The following CPED1 variants were observed in gnomAD, a reference collection of about 807,000 sequenced individuals.
The protein encoded by CPED1 is cadherin like and PC-esterase domain containing 1.
A neutral mutation model predicts 128.2 loss-of-function variants in CPED1; 114 were observed. The observed-to-expected ratio is 0.89, with a 90% confidence interval of 0.76 to 1.04. The LOEUF is 1.04. CPED1 is among the 50% of genes least tolerant of loss of function. The pLI, the probability that CPED1 is intolerant of heterozygous loss-of-function variation, is 0.00. For synonymous variants in CPED1, 462 were observed against 426.7 expected (o/e 1.08, Z -1.02); for missense variants, 1,211 against 1,207.1 (o/e 1.00, Z -0.05).
intron 16 of CPED1, among the ~76,000 whole-genome samples, chr7:121,217,730 C>T (rs184143553): frequency 5.5e-4 from 83 of 152,096 alleles, no homozygotes; most frequent in Middle Eastern, 3.4e-3. Context: ...GTGCACTGGC[C>T]TCATCTGTAT....
At chr7:121,286,060 A>G (rs1792562197) in intron 22 of CPED1, among the ~76,000 whole-genome samples, 1 of 152,198 alleles carries the variant, frequency 6.6e-6, no homozygotes, top group Non-Finnish European at 1.5e-5. Flanking sequence ...GAAACTTAAC[A>G]ATCATAGTGG....
At chr7:121,119,250 G>C (rs200476112) in intron 7 of CPED1, among the ~76,000 whole-genome samples, 4 of 74,364 alleles carry the variant, frequency 5.4e-5, no homozygotes, top group Admixed American at 1.4e-4. Context: ...TTTTTTTTTT[G>C]AGATGGAGTC....
intron 5 of CPED1, among the ~76,000 whole-genome samples, chr7:121,071,531 A>G (rs1427556436): frequency 6.6e-6 from 1 of 151,864 alleles, no homozygotes; most frequent in East Asian, 1.9e-4. Flanking sequence ...GTAGCTTTTG[A>G]ACCATTCAAC....
chr7:121,038,112 A>G (rs911693046), intron 3 of CPED1, among the ~76,000 whole-genome samples: 4 of 152,150 alleles, frequency 2.6e-5, no homozygotes, highest in African/African-American at 9.7e-5. Context: ...CTCTTTGCCA[A>G]TTTGGGTGCC....
intron 5 of CPED1, among the ~76,000 whole-genome samples, chr7:121,066,227 T>G (rs1266484802): frequency 6.6e-6 from 1 of 152,094 alleles, no homozygotes; most frequent in Non-Finnish European, 1.5e-5. Flanking sequence ...TTTTAAGCTG[T>G]GTTTCATTTG....
intron 16 of CPED1, among the ~76,000 whole-genome samples, chr7:121,189,354 C>T (rs555033485): frequency 2.6e-5 from 4 of 152,126 alleles, no homozygotes; most frequent in South Asian, 4.1e-4. Flanking sequence ...AAAGCCTAAA[C>T]GTAGTTACAA....
chr7:121,151,942 C>G (rs1380361242), intron 16 of CPED1, among the ~76,000 whole-genome samples: 1 of 152,304 alleles, frequency 6.6e-6, no homozygotes, highest in South Asian at 2.1e-4. Context: ...GATGGTTTCA[C>G]TGATTGCAGA....
At chr7:121,143,647 G>A (rs553194601) in intron 16 of CPED1, among the ~76,000 whole-genome samples, 2 of 151,916 alleles carry the variant, frequency 1.3e-5, no homozygotes, top group Non-Finnish European at 2.9e-5. Flanking sequence ...GTGTATATTT[G>A]TGTGTATAAT....
chr7:121,077,384 C>T (rs2402556), intron 5 of CPED1, among the ~76,000 whole-genome samples: 117,555 of 150,244 alleles, frequency 0.78, 47,627 homozygotes, highest in East Asian at 0.96. Context: ...CTTTATTAAA[C>T]AGTAAGACAT....
chr7:121,236,191 G>A (rs932003604), intron 16 of CPED1, among the ~76,000 whole-genome samples: 2 of 152,106 alleles, frequency 1.3e-5, no homozygotes, highest in Non-Finnish European at 2.9e-5. Context: ...GCTTAGTATA[G>A]CACATGCCTC....
chr7:121,292,034 T>C (rs1038239254), intron 22 of CPED1, among the ~76,000 whole-genome samples: 2 of 152,122 alleles, frequency 1.3e-5, no homozygotes, highest in African/African-American at 4.8e-5. Context: ...TCTCTGTCTT[T>C]CTTGAATTTG....
chr7:121,181,234 G>C (rs1584575029), intron 16 of CPED1, among the ~76,000 whole-genome samples: 2 of 152,120 alleles, frequency 1.3e-5, no homozygotes, highest in South Asian at 2.1e-4. Context: ...TGCTTGACAT[G>C]CAAGTATATT....
At chr7:121,085,615 A>G (rs1263723888) in intron 5 of CPED1, among the ~76,000 whole-genome samples, 1 of 152,036 alleles carries the variant, frequency 6.6e-6, no homozygotes, top group Non-Finnish European at 1.5e-5. Context: ...CTTGCCATCT[A>G]CCTCTTTTTT....
intron 5 of CPED1, among the ~76,000 whole-genome samples, chr7:121,091,866 A>G (rs1584505866): frequency 6.6e-6 from 1 of 152,188 alleles, no homozygotes; most frequent in African/African-American, 2.4e-5. Flanking sequence ...TTTTTGGAAA[A>G]ATATTATTTA....
At chr7:121,155,822 A>G (rs1054736851) in intron 16 of CPED1, among the ~76,000 whole-genome samples, 1 of 152,150 alleles carries the variant, frequency 6.6e-6, no homozygotes, top group African/African-American at 2.4e-5. Context: ...AGACCTTAAA[A>G]CCCCAGACAA....
intron 3 of CPED1, among the ~76,000 whole-genome samples, chr7:121,021,288 T>C (rs1274704134): frequency 6.6e-6 from 1 of 151,966 alleles, no homozygotes; most frequent in Non-Finnish European, 1.5e-5. Context: ...TTGTTTATAA[T>C]TTAATAGATT....
At chr7:121,146,241 A>G (rs368718162) in intron 16 of CPED1, among the ~76,000 whole-genome samples, 2 of 152,034 alleles carry the variant, frequency 1.3e-5, no homozygotes, top group East Asian at 3.9e-4. Context: ...GGAAAATTCT[A>G]TGTCCTCACA....
intron 3 of CPED1, among the ~76,000 whole-genome samples, chr7:121,034,724 C>G (rs893706810): frequency 6.6e-6 from 1 of 152,052 alleles, no homozygotes; most frequent in Non-Finnish European, 1.5e-5. Flanking sequence ...CTTGTATATA[C>G]CAATCATCTA....
chr7:121,265,108 G>A (rs1792095017), intron 18 of CPED1, among the ~76,000 whole-genome samples: 1 of 151,984 alleles, frequency 6.6e-6, no homozygotes. Flanking sequence ...TGACAAGTGG[G>A]GTTGCAGAGG....
Sources: allele counts gnomAD v4.1 joint callset (sites outside exome capture counted in the v4.1 genomes callset), GRCh38; gene constraint gnomAD v4.1.1; transcripts MANE v1.5; gene names NCBI Gene and HGNC (gene_info 2026-07-23, HGNC 2026-07-21).